Variants in TSPAN14 observed in about 807,000 individuals in gnomAD.
The protein encoded by TSPAN14 is tetraspanin-14.
TSPAN14 carries 16 observed loss-of-function variants against 36.6 expected under a neutral mutation model. That is an observed-to-expected ratio of 0.44 (90% CI 0.30 to 0.66). The LOEUF is 0.66. Ranked by LOEUF, TSPAN14 falls within the 30% of genes least tolerant of loss-of-function variation. TSPAN14 has a pLI of 0.12. For synonymous variants in TSPAN14, 139 were observed against 143.8 expected, an observed-to-expected ratio of 0.97 and a Z score of 0.24; for missense variants, 231 against 355.1, an observed-to-expected ratio of 0.65 and a Z score of 2.81.
At chr10:80,464,036 A>G (rs1846108448) in intron 1 of TSPAN14, among the ~76,000 whole-genome samples, 1 of 152,178 alleles carries the variant, frequency 6.6e-6, no homozygotes, top group South Asian at 2.1e-4. Flanking sequence ...AGCCAGAGCG[A>G]GTTGGGGTGT....
At chr10:80,464,666 G>T (rs1846147259) in intron 1 of TSPAN14, among the ~76,000 whole-genome samples, 1 of 152,208 alleles carries the variant, frequency 6.6e-6, no homozygotes, top group Non-Finnish European at 1.5e-5. Flanking sequence ...TGCAGTCCCC[G>T]TGAGAAGGCC....
At chr10:80,465,625 G>C (rs916435387) in intron 1 of TSPAN14, among the ~76,000 whole-genome samples, 1 of 152,218 alleles carries the variant, frequency 6.6e-6, no homozygotes, top group Admixed American at 6.5e-5. Flanking sequence ...GACACCTACA[G>C]TGGGAACAGA....
At chr10:80,505,791 C>A (rs188034736) in intron 3 of TSPAN14, among the ~76,000 whole-genome samples, 40 of 152,322 alleles carry the variant, frequency 2.6e-4, no homozygotes, top group Admixed American at 2.6e-3. Context: ...CTGGGTGTGG[C>A]CCTGAGTGTG....
intron 2 of TSPAN14, among the ~76,000 whole-genome samples, chr10:80,490,005 A>G (rs1288978107): frequency 6.6e-6 from 1 of 152,220 alleles, no homozygotes; most frequent in East Asian, 1.9e-4. Context: ...AGTAAGTGGG[A>G]GAAGGGACAC....
At chr10:80,493,115 G>GA (rs1227180581) in intron 2 of TSPAN14, among the ~76,000 whole-genome samples, 3 of 152,076 alleles carry the variant, frequency 2.0e-5, no homozygotes, top group Admixed American at 6.5e-5. Context: ...TTTACTTACT[G>GA]AAAAAATCAT....
At chr10:80,516,428 G>A (rs1840944927) in intron 8 of TSPAN14, 105 bp downstream of exon 8, 2 of 1,518,018 alleles carry the variant, frequency 1.3e-6, no homozygotes, top group Non-Finnish European at 1.8e-6. Context: ...TATTAAGGAA[G>A]CTTGCAGAAG....
At chr10:80,475,241 C>T (rs1436266343) in intron 1 of TSPAN14, among the ~76,000 whole-genome samples, 2 of 152,136 alleles carry the variant, frequency 1.3e-5, no homozygotes, top group Admixed American at 1.3e-4. Flanking sequence ...GCTAATCTGG[C>T]AATAGGACAG....
rs1242894062 is a variant in TSPAN14, at chr10:80,466,915, T to A, written c.-18+12544T>A. Among the ~76,000 whole-genome samples the A allele has an allele frequency of 2.0e-5, 3 of 152,148 alleles. No individual in the cohort carries two copies. In the East Asian group the frequency reaches 5.8e-4, roughly 29 times the overall value. On this transcript the variant is annotated intron_variant, in intron 1 of 8. Transcript: ENST00000429989. The stretch of plus-strand genomic sequence containing the variant: ...GGATATCATGAAACGGGCTTACAGG[T>A]CATAGGTGGGTTCGGAGATTCTTTA...
intron 2 of TSPAN14, among the ~76,000 whole-genome samples, chr10:80,501,037 C>T (rs1564736885): frequency 1.3e-5 from 2 of 151,780 alleles, no homozygotes. Context: ...CCTAGGAGAA[C>T]AAAACAACTA....
intron 1 of TSPAN14, among the ~76,000 whole-genome samples, chr10:80,457,775 T>C (rs1439286267): frequency 1.3e-5 from 2 of 152,240 alleles, no homozygotes; most frequent in East Asian, 3.9e-4. Flanking sequence ...ACTGCTTGTG[T>C]CTGTCTGGAC....
chr10:80,508,665 G>C (rs1456598287), intron 4 of TSPAN14, among the ~76,000 whole-genome samples: 1 of 152,198 alleles, frequency 6.6e-6, no homozygotes, highest in Non-Finnish European at 1.5e-5. Context: ...TTCATGCAGA[G>C]TTGGTACAGA....
rs1468534393 is a variant in TSPAN14 at position 80,509,748 on chromosome 10, C to G, written c.450+277C>G. 1.2e-5 allele frequency: 5 copies of G among 433,342 alleles called. No homozygotes were observed. Among genetic ancestry groups the G allele is most frequent in the Non-Finnish European group, 2.1e-5 (5 of 237,674 alleles). 26.8% of individuals were successfully genotyped at this position (433,342 alleles called of 1,614,324 possible). On this transcript the variant is annotated intron_variant, in intron 5 of 8. Transcript: ENST00000429989. This position sits in a 1 kb window ranked among gnomAD's most constrained non-coding sequence, Gnocchi z 4.7. ...CCCCACGTGCCCGGCCCTCCTCTTT[C>G]GGCCCCAGATCTTTCCAATCCTGCC...
At chr10:80,496,082 T>C (rs1233023447) in intron 2 of TSPAN14, among the ~76,000 whole-genome samples, 1 of 152,344 alleles carries the variant, frequency 6.6e-6, no homozygotes, top group East Asian at 1.9e-4. Context: ...TAATTTCTTA[T>C]TTTTTAATTG....
chr10:80,516,410 G>T, intron 8 of TSPAN14, 87 bp downstream of exon 8: 1 of 1,583,008 alleles, frequency 6.3e-7, no homozygotes, highest in Non-Finnish European at 8.6e-7. Context: ...GGTCCAGTTT[G>T]GGTATGGTAT....
intron 2 of TSPAN14, among the ~76,000 whole-genome samples, chr10:80,497,959 T>A (rs557058331): frequency 1.3e-5 from 2 of 152,272 alleles, no homozygotes; most frequent in East Asian, 1.9e-4. Flanking sequence ...GGGCTCTGTT[T>A]CCCTCTGTCA....
intron 2 of TSPAN14, among the ~76,000 whole-genome samples, chr10:80,497,286 G>A (rs1323524453): frequency 6.6e-6 from 1 of 152,228 alleles, no homozygotes; most frequent in African/African-American, 2.4e-5. Flanking sequence ...TGAGCAGGAT[G>A]ACATCCCATC....
intron 2 of TSPAN14, among the ~76,000 whole-genome samples, chr10:80,495,115 A>G (rs1053285189): frequency 1.3e-5 from 2 of 152,130 alleles, no homozygotes; most frequent in African/African-American, 2.4e-5. Context: ...GTTGTTTCCA[A>G]TTTTTTTGCT....
At chr10:80,486,834 A>G (rs931494206) in intron 1 of TSPAN14, among the ~76,000 whole-genome samples, 1 of 152,048 alleles carries the variant, frequency 6.6e-6, no homozygotes, top group East Asian at 1.9e-4. Flanking sequence ...TAGGTTAAAA[A>G]TTTTTTTTCA....
chr10:80,481,377 G>A (rs1403013193), intron 1 of TSPAN14, among the ~76,000 whole-genome samples: 1 of 152,138 alleles, frequency 6.6e-6, no homozygotes, highest in South Asian at 2.1e-4. Context: ...CAAATTTTCG[G>A]TTAAATATTG....
Sources: allele counts gnomAD v4.1 joint callset (sites outside exome capture counted in the v4.1 genomes callset), GRCh38; gene constraint gnomAD v4.1.1; non-coding constraint Gnocchi (gnomAD v3.1); transcripts MANE v1.5; gene names NCBI Gene and HGNC (gene_info 2026-07-23, HGNC 2026-07-21).